The following MAMDC2 variants were observed in gnomAD, a reference collection of about 807,000 sequenced individuals.
The protein encoded by MAMDC2 is MAM domain-containing protein 2.
MAMDC2 carries 57 observed loss-of-function variants against 89.8 expected under a neutral mutation model. That is an observed-to-expected ratio of 0.63 (90% CI 0.51 to 0.79). MAMDC2 has a LOEUF of 0.79. MAMDC2 is among the 30% of genes least tolerant of loss of function. The pLI, the probability that MAMDC2 is intolerant of heterozygous loss-of-function variation, is 0.00. For synonymous variants in MAMDC2, 313 were observed against 293.4 expected (o/e 1.07, Z -0.68); for missense variants, 800 against 820.6 (o/e 0.97, Z 0.31).
chr9:70,057,913 C>T (rs556157468), intron 2 of MAMDC2, among the ~76,000 whole-genome samples: 1 of 152,134 alleles, frequency 6.6e-6, no homozygotes, highest in Non-Finnish European at 1.5e-5. Context: ...CATCCAGGTG[C>T]CCTCAGCTGG....
At chr9:70,210,038 G>A (rs1198526165) in intron 11 of MAMDC2, among the ~76,000 whole-genome samples, 1 of 152,234 alleles carries the variant, frequency 6.6e-6, no homozygotes, top group Non-Finnish European at 1.5e-5. Context: ...ATTTGCTGAG[G>A]AATGGTTTAC....
intron 8 of MAMDC2, among the ~76,000 whole-genome samples, chr9:70,142,866 G>T (rs1489593251): frequency 6.6e-6 from 1 of 152,086 alleles, no homozygotes; most frequent in Non-Finnish European, 1.5e-5. Context: ...TTTCTTTTCT[G>T]CCCAGGCTTT....
At chr9:70,215,359 T>C (rs1293126496) in intron 11 of MAMDC2, among the ~76,000 whole-genome samples, 1 of 152,214 alleles carries the variant, frequency 6.6e-6, no homozygotes, top group African/African-American at 2.4e-5. Context: ...TTTTTTGCTA[T>C]TATTTTTGAG....
intron 2 of MAMDC2, among the ~76,000 whole-genome samples, chr9:70,069,586 T>C (rs1054254233): frequency 7.2e-5 from 11 of 152,244 alleles, no homozygotes; most frequent in African/African-American, 2.4e-4. Context: ...TGAAAGCTAC[T>C]TTGTTCCTTA....
chr9:70,114,350 CG>C (rs745440768), intron 5 of MAMDC2, among the ~76,000 whole-genome samples: 29 of 149,722 alleles, frequency 1.9e-4, no homozygotes, highest in Non-Finnish European at 3.4e-4. Context: ...AATGTAAGCC[CG>C]GGTTGCCAGA....
At chr9:70,084,398 G>A (rs557081588) in intron 2 of MAMDC2, among the ~76,000 whole-genome samples, 6 of 152,192 alleles carry the variant, frequency 3.9e-5, no homozygotes, top group African/African-American at 1.4e-4. Context: ...GACTAGAACA[G>A]TACCTGATAT....
At chr9:70,118,716 G>A (rs1409816196) in intron 5 of MAMDC2, among the ~76,000 whole-genome samples, 1 of 152,116 alleles carries the variant, frequency 6.6e-6, no homozygotes, top group African/African-American at 2.4e-5. Context: ...TTTGCTTTCA[G>A]GTAAAAACTG....
chr9:70,133,172 G>A (rs896249191), intron 7 of MAMDC2, among the ~76,000 whole-genome samples: 1 of 152,040 alleles, frequency 6.6e-6, no homozygotes, highest in Non-Finnish European at 1.5e-5. Context: ...AGGCAGTGAC[G>A]CTGAAATTTA....
At chr9:70,096,727 C>T (rs1386382509) in intron 2 of MAMDC2, among the ~76,000 whole-genome samples, 2 of 151,918 alleles carry the variant, frequency 1.3e-5, no homozygotes, top group Non-Finnish European at 2.9e-5. Context: ...AGAAGCTAGA[C>T]CCAGACCCAA....
At chr9:70,213,742 T>C (rs930858953) in intron 11 of MAMDC2, among the ~76,000 whole-genome samples, 2 of 28,616 alleles carry the variant, frequency 7.0e-5, no homozygotes, top group African/African-American at 3.4e-4. Flanking sequence ...AGAATGAAGG[T>C]AATGAACTCA....
intron 9 of MAMDC2, among the ~76,000 whole-genome samples, chr9:70,166,471 T>C (rs1270418300): frequency 6.6e-6 from 1 of 152,162 alleles, no homozygotes; most frequent in African/African-American, 2.4e-5. Flanking sequence ...TATTTTTAGA[T>C]GAACTAGATA....
intron 11 of MAMDC2, among the ~76,000 whole-genome samples, chr9:70,178,182 C>T (rs551333874): frequency 6.6e-6 from 1 of 152,276 alleles, no homozygotes; most frequent in East Asian, 1.9e-4. Context: ...GCTGCTATAA[C>T]AGAATGGCTG....
At chr9:70,049,242 G>A (rs960791655) in intron 2 of MAMDC2, among the ~76,000 whole-genome samples, 3 of 152,072 alleles carry the variant, frequency 2.0e-5, no homozygotes, top group Non-Finnish European at 2.9e-5. Flanking sequence ...AGAATGTCCC[G>A]AAATCACGTG....
chr9:70,164,637 C>T (rs2032106318), intron 9 of MAMDC2, among the ~76,000 whole-genome samples: 1 of 151,654 alleles, frequency 6.6e-6, no homozygotes, highest in Admixed American at 6.6e-5. Context: ...ATCTTCTTTC[C>T]CCTTCTTTTT....
chr9:70,089,864 T>G (rs1827849467), intron 2 of MAMDC2, among the ~76,000 whole-genome samples: 1 of 152,200 alleles, frequency 6.6e-6, no homozygotes, highest in African/African-American at 2.4e-5. Context: ...GTAGCTGTTA[T>G]AGTTGTGGAG....
At chr9:70,118,563 C>T (rs1231461286) in intron 5 of MAMDC2, among the ~76,000 whole-genome samples, 4 of 152,106 alleles carry the variant, frequency 2.6e-5, no homozygotes, top group African/African-American at 7.2e-5. Context: ...TGCTTTCTAC[C>T]GCATATATTG....
At chr9:70,144,987 C>A (rs2031352022) in intron 9 of MAMDC2, among the ~76,000 whole-genome samples, 1 of 152,200 alleles carries the variant, frequency 6.6e-6, no homozygotes, top group South Asian at 2.1e-4. Context: ...CTCTGAAAAT[C>A]TTTTGTTTCC....
chr9:70,120,253 A>G (rs922301603), intron 5 of MAMDC2, among the ~76,000 whole-genome samples: 2 of 152,268 alleles, frequency 1.3e-5, no homozygotes, highest in African/African-American at 4.8e-5. Context: ...CCATCTCTGC[A>G]TCACACACAC....
chr9:70,100,970 C>G (rs1241095828), intron 2 of MAMDC2, among the ~76,000 whole-genome samples: 1 of 152,184 alleles, frequency 6.6e-6, no homozygotes, highest in East Asian at 1.9e-4. Context: ...TACAAAGCAT[C>G]TTTATATATA....
Sources: allele counts gnomAD v4.1 joint callset (sites outside exome capture counted in the v4.1 genomes callset), GRCh38; gene constraint gnomAD v4.1.1; transcripts MANE v1.5; gene names NCBI Gene and HGNC (gene_info 2026-07-23, HGNC 2026-07-21).